Variants in INTS3 observed in about 807,000 individuals in gnomAD.
INTS3 encodes SOSS complex subunit A.
A neutral mutation model predicts 146.3 loss-of-function variants in INTS3; 34 were observed. The observed-to-expected ratio is 0.23, with a 90% confidence interval of 0.18 to 0.31. The LOEUF is 0.31. INTS3 is among the 10% of genes least tolerant of loss of function. The pLI is 1.00. For synonymous variants in INTS3, 475 were observed against 494.9 expected (o/e 0.96, Z 0.53); for missense variants, 757 against 1,304.2 (o/e 0.58, Z 6.46).
At chr1:153,752,212 C>T in intron 7 of INTS3, 67 bp from the exon 8 acceptor site, 2 of 1,493,694 alleles carry the variant, frequency 1.3e-6, no homozygotes, top group Non-Finnish European at 1.9e-6. Flanking sequence ...TTTGTCCTCC[C>T]TCCAGCAGGT....
rs373043002 is a variant in INTS3, at chr1:153,751,143, G to A, written c.633G>A (p.Thr211=). 1.5e-4 allele frequency: 235 copies of A among 1,614,026 alleles called. No individual in the cohort carries two copies. Among genetic ancestry groups the A allele is most frequent in the Non-Finnish European group, 1.8e-4 (218 of 1,180,008 alleles). Residue 211 remains threonine, a synonymous_variant, in exon 7 of 30, where the codon ACG becomes ACA. Transcript: ENST00000318967. ...TCCTCATTGCCATGGCTGTTTACACGTACCTCCGCCTCATCGTGGACCACC... is the reference window on the plus strand; with the variant it reads ...TCCTCATTGCCATGGCTGTTTACACATACCTCCGCCTCATCGTGGACCACC... The part of the protein sequence containing the change: ...SSILIAMAVY[T]YLRLIVDHHG...
chr1:153,769,938 G>T, intron 23 of INTS3, 94 bp downstream of exon 23: 1 of 965,720 alleles, frequency 1.0e-6, no homozygotes. Flanking sequence ...TGGTTCTGGG[G>T]CTGGGAAGTT....
In INTS3 at chr1:153,768,976, C is replaced by G. The variant is rs761979433; in HGVS notation, c.2313+15C>G. 1.2e-6 allele frequency: 2 copies of G among 1,606,660 alleles called. No individual in the cohort carries two copies. The highest frequency in any genetic ancestry group is 4.5e-5 in the East Asian group (2 of 44,836). ...ACTCTGCACAGGTGAACATTGAGCT[C>G]TGACCTCCCCAGAAGATCTGGGAGG... On this transcript the variant is annotated intron_variant, in intron 22 of 29. Coordinates refer to ENST00000318967, the MANE Select transcript of INTS3 (RefSeq NM_023015.5).
intron 1 of INTS3, among the ~76,000 whole-genome samples, chr1:153,737,726 T>C (rs1196225900): frequency 6.6e-6 from 1 of 152,158 alleles, no homozygotes; most frequent in Non-Finnish European, 1.5e-5. Context: ...CTCAAACTCC[T>C]GACCTCAAGT....
intron 11 of INTS3, 52 bp from the exon 12 acceptor site, chr1:153,760,253 AAAAAAG>A (rs1672329057): frequency 5.7e-6 from 6 of 1,058,534 alleles, no homozygotes; most frequent in Admixed American, 2.6e-5. Flanking sequence ...AAAAAAAAAA[AAAAAAG>A]AGAGAGAGAG....
chr1:153,728,681 C>T lies in INTS3; in HGVS notation c.47C>T (p.Ser16Leu). Reference sequence around the variant, plus strand: ...GGGGCGGCAGCAGCAGCAGCTGCTTCGGGAGCAGCGGGAGGTGGAGGAGGA... The same window carrying T: ...GGGGCGGCAGCAGCAGCAGCTGCTTTGGGAGCAGCGGGAGGTGGAGGAGGA... ...GKGAAAAAAA[S>L]GAAGGGGGGA... Residue 16 changes from serine to leucine, a missense_variant, in exon 1 of 30, where the codon TCG becomes TTG. Coordinates refer to ENST00000318967, the MANE Select transcript of INTS3 (RefSeq NM_023015.5). 1 of 1,604,974 alleles carries T rather than the reference C, an allele frequency of 6.2e-7. No homozygotes were observed. Among genetic ancestry groups the T allele is most frequent in the Non-Finnish European group, 8.5e-7 (1 of 1,176,818 alleles).
At chr1:153,738,298 C>T (rs1671379161) in intron 1 of INTS3, among the ~76,000 whole-genome samples, 2 of 152,042 alleles carry the variant, frequency 1.3e-5, no homozygotes, top group African/African-American at 4.8e-5. Flanking sequence ...GGGGGTCTCC[C>T]TATATTGCCC....
chr1:153,770,749 G>C lies in INTS3; in HGVS notation c.2552+16G>C, dbSNP rs1431171790. On this transcript the variant is annotated intron_variant, in intron 25 of 29. Coordinates refer to ENST00000318967, the MANE Select transcript of INTS3 (RefSeq NM_023015.5). ...GAAGAGAAAAGTGAGTTCCACTTCT[G>C]GGGCTCTTTAGCCCTCAATTTTAAC... 6.2e-7 allele frequency: 1 copy of C among 1,606,674 alleles called. No homozygotes were observed. Among genetic ancestry groups the C allele is most frequent in the Non-Finnish European group, 8.5e-7 (1 of 1,173,354 alleles).
Position 153,763,276 on chromosome 1 carries a change from T to A in INTS3, c.1680T>A (p.Val560=). The A allele has an allele frequency of 6.2e-7, 1 of 1,614,110 alleles. No homozygotes were observed. The highest frequency in any genetic ancestry group is 2.2e-5 in the East Asian group (1 of 44,884). ...EFRFHPIKET[V]VEEPVDITPY... ...GCTTCCACCCTATCAAGGAGACAGT[T>A]GTGGAGGAGCCAGTTGATATCACCC... is the stretch of plus-strand genomic sequence containing the variant. The change falls in exon 16 of 30, where the codon GTT becomes GTA. Residue 560 remains valine, a synonymous_variant. Transcript: ENST00000318967.
At chr1:153,742,912 T>G (rs996753995) in intron 3 of INTS3, among the ~76,000 whole-genome samples, 6 of 152,266 alleles carry the variant, frequency 3.9e-5, no homozygotes, top group African/African-American at 1.4e-4. Flanking sequence ...CATGTTCACA[T>G]GCTAAAAGTT....
rs1449594464 is a variant in INTS3 at position 153,760,119 on chromosome 1, C to T, written c.1238-192C>T. 2.5e-5 allele frequency: 15 copies of T among 591,564 alleles called. No homozygotes were observed. In the South Asian group the frequency reaches 3.0e-4, roughly 12 times the overall value. 36.6% of individuals were successfully genotyped at this position (591,564 alleles called of 1,614,324 possible). The stretch of plus-strand genomic sequence containing the variant: ...TGGTGGCGCACACCTGTAATTCCAG[C>T]TGCTGGGGAGGTTGAGGCATGAGAT... On this transcript the variant is annotated intron_variant, in intron 11 of 29. Coordinates refer to ENST00000318967, the MANE Select transcript of INTS3 (RefSeq NM_023015.5).
At chr1:153,735,049 C>T (rs1009214286) in intron 1 of INTS3, among the ~76,000 whole-genome samples, 23 of 152,134 alleles carry the variant, frequency 1.5e-4, no homozygotes, top group African/African-American at 5.3e-4. Context: ...CTCACTGCAT[C>T]CTCAACCTCC....
intron 3 of INTS3, among the ~76,000 whole-genome samples, chr1:153,744,802 C>T (rs997189113): frequency 1.3e-5 from 2 of 152,068 alleles, no homozygotes; most frequent in Non-Finnish European, 2.9e-5. Context: ...TTTGGGAGGC[C>T]AAGACAGGAG....
chr1:153,733,814 A>G (rs1011317769), intron 1 of INTS3, among the ~76,000 whole-genome samples: 1 of 151,744 alleles, frequency 6.6e-6, no homozygotes, highest in Non-Finnish European at 1.5e-5. Context: ...CATGTTGGCC[A>G]GGCTGCTCTC....
chr1:153,728,836 C>G lies in INTS3; in HGVS notation c.150+52C>G, dbSNP rs779137903. The G allele has an allele frequency of 1.3e-5, 6 of 467,516 alleles. No individual in the cohort carries two copies. The African/African-American group carries it at 1.8e-4, about 14-fold the overall frequency. The allele number at this position is 467,516 out of a possible 1,614,324, so 29.0% of individuals were successfully genotyped here. A position where few individuals can be genotyped will look rare whatever the true frequency, so the allele number is the denominator to read the frequency against. ...TAAGAAATTGGGTTTTGGAGGGATA[C>G]TGGAGCGGATACCGGGTGGGAGGAC... On this transcript the variant is annotated intron_variant, in intron 1 of 29. Coordinates refer to ENST00000318967, the MANE Select transcript of INTS3 (RefSeq NM_023015.5).
intron 22 of INTS3, 54 bp from the exon 23 acceptor site, chr1:153,769,715 T>C: frequency 8.1e-7 from 1 of 1,241,866 alleles, no homozygotes; most frequent in Non-Finnish European, 1.2e-6. Context: ...CCATACTAGC[T>C]TCCTGGCCCC....
Position 153,757,909 on chromosome 1 carries a change from C to A in INTS3, c.1149+146C>A. On this transcript the variant is annotated intron_variant, in intron 10 of 29. Transcript: ENST00000318967. This position sits in a 1 kb window ranked among gnomAD's most constrained non-coding sequence, Gnocchi z 4.0. The stretch of plus-strand genomic sequence containing the variant: ...TCCAGAGTGTCTCAGCCTTCACTTC[C>A]CTTTGTGTCTCTAGAAATTTACTTA... The A allele has an allele frequency of 1.7e-6, 1 of 599,102 alleles. No individual in the cohort carries two copies. The allele number at this position is 599,102 out of a possible 1,614,324, so 37.1% of individuals were successfully genotyped here.
chr1:153,747,103 CAA>C lies in INTS3; in HGVS notation c.432+35_432+36del. Reference sequence around the variant, plus strand: ...CAGAAAGAAAAGACAAGATCCAGCTCAAAGAGAGAGGATGGATCTTCTCTCTG... The same window carrying C: ...CAGAAAGAAAAGACAAGATCCAGCTCAGAGAGAGGATGGATCTTCTCTCTG... On this transcript the variant is annotated intron_variant, in intron 4 of 29. Coordinates refer to ENST00000318967, the MANE Select transcript of INTS3 (RefSeq NM_023015.5). The C allele has an allele frequency of 5.4e-6, 8 of 1,488,944 alleles. No homozygotes were observed. In the East Asian group the frequency reaches 1.6e-4, roughly 29 times the overall value. 92.2% of individuals were successfully genotyped at this position (1,488,944 alleles called of 1,614,324 possible).
chr1:153,740,821 G>T, intron 2 of INTS3, 87 bp downstream of exon 2: 1 of 1,065,844 alleles, frequency 9.4e-7, no homozygotes, highest in East Asian at 2.4e-5. Flanking sequence ...TAAGTGGTTG[G>T]GGGTAGGGGA....
Sources: allele counts gnomAD v4.1 joint callset (sites outside exome capture counted in the v4.1 genomes callset), GRCh38; gene constraint gnomAD v4.1.1; non-coding constraint Gnocchi (gnomAD v3.1); transcripts MANE v1.5; gene names NCBI Gene and HGNC (gene_info 2026-07-23, HGNC 2026-07-21).